The following ERH variants were observed in gnomAD, a reference collection of about 807,000 sequenced individuals.
ERH encodes ERH mRNA splicing and mitosis factor, also known as enhancer of rudimentary homolog.
A neutral mutation model predicts 16.8 loss-of-function variants in ERH; 1 was observed. The ratio of observed to expected loss-of-function variants is 0.06; its 90% CI spans 0.02 to 0.28. ERH has a LOEUF of 0.28. Among genes scored for constraint, ERH ranks in the 10% least tolerant of loss-of-function variants. The probability of loss-of-function intolerance (pLI) is 1.00; values close to 1 mark genes in which losing one functional copy is unlikely to be tolerated. For synonymous variants in ERH, 43 were observed against 43.6 expected (o/e 0.99, Z 0.05); for missense variants, 42 against 127.5 (o/e 0.33, Z 3.23).
Position 69,388,923 on chromosome 14 carries a change from T to C in ERH, c.92-1840A>G, listed in dbSNP as rs189983675. 2.0e-3 allele frequency among the ~76,000 whole-genome samples: 307 copies of C among 152,300 alleles called. 1 individual carries two copies. The highest frequency in any genetic ancestry group is 7.0e-3 in the African/African-American group (293 of 41,582). On this transcript the variant is annotated intron_variant, in intron 2 of 3. Coordinates refer to ENST00000557016, the MANE Select transcript of ERH (RefSeq NM_004450.3). Reference sequence around the variant, plus strand: ...TTTTTATTGCTACTGGCATACTACATTGTGATCACAGAATATCACCCATGA... The same window carrying C: ...TTTTTATTGCTACTGGCATACTACACTGTGATCACAGAATATCACCCATGA...
In ERH at chr14:69,394,849, C is replaced by T. The variant is rs1882298201; in HGVS notation, c.67G>A (p.Glu23Lys). The change falls in exon 2 of 4, where the codon GAA becomes AAA. Residue 23 changes from glutamate (E) to lysine (K), a missense_variant. Physicochemically the swap from Glu to Lys is moderately conservative, Grantham distance 56. Transcript: ENST00000557016. ...CCTTCCATGCATTCATTCACAGATT[C>T]GTAGTCAGCATAAGTTCTGCCTTCT... ...RPEGRTYADY[E>K]SVNECMEGVC... The T allele has an allele frequency of 6.2e-7, 1 of 1,613,464 alleles. No homozygotes were observed. Among genetic ancestry groups the T allele is most frequent in the Non-Finnish European group, 8.5e-7 (1 of 1,179,518 alleles).
At chr14:69,393,137 C>A (rs916562017) in intron 2 of ERH, among the ~76,000 whole-genome samples, 2 of 152,024 alleles carry the variant, frequency 1.3e-5, no homozygotes, top group African/African-American at 4.8e-5. Flanking sequence ...GCCAACGTGG[C>A]GAAACCCTGT....
chr14:69,380,728 C>T (rs945649845), intron 3 of ERH, 88 bp from the exon 4 acceptor site: 10 of 711,152 alleles, frequency 1.4e-5, no homozygotes, highest in African/African-American at 1.1e-4. Flanking sequence ...CCAATGATGG[C>T]ATAGATGTGC....
At chr14:69,395,624 C>T (rs1042877211) in intron 1 of ERH, among the ~76,000 whole-genome samples, 1 of 152,204 alleles carries the variant, frequency 6.6e-6, no homozygotes, top group African/African-American at 2.4e-5. Flanking sequence ...TAATCACAAG[C>T]ATGGTTTCAA....
intron 2 of ERH, among the ~76,000 whole-genome samples, 192 bp from the exon 3 acceptor site, chr14:69,387,275 G>A (rs2045898086): frequency 1.3e-5 from 2 of 152,178 alleles, no homozygotes; most frequent in Admixed American, 1.3e-4. Context: ...AAATTCACCA[G>A]GTCAGGTGTA....
chr14:69,391,490 C>CA (rs2045923630), intron 2 of ERH, among the ~76,000 whole-genome samples: 1 of 150,844 alleles, frequency 6.6e-6, no homozygotes, highest in South Asian at 2.1e-4. Flanking sequence ...ACTAAAAATA[C>CA]AAAAAAAGGT....
chr14:69,398,114 G>A, intron 1 of ERH, 117 bp downstream of exon 1: 2 of 1,195,596 alleles, frequency 1.7e-6, no homozygotes, highest in South Asian at 1.5e-5. Context: ...CGACTAGAGT[G>A]GCGGGGAGCA....
At chr14:69,389,607 G>A (rs1459394910) in intron 2 of ERH, among the ~76,000 whole-genome samples, 1 of 151,894 alleles carries the variant, frequency 6.6e-6, no homozygotes, top group Non-Finnish European at 1.5e-5. Flanking sequence ...ATATAGGATT[G>A]GTATATGAAA....
chr14:69,391,967 T>A (rs1391824632), intron 2 of ERH, among the ~76,000 whole-genome samples: 1 of 152,170 alleles, frequency 6.6e-6, no homozygotes, highest in East Asian at 1.9e-4. Context: ...TTAATAATAA[T>A]CTATGAATAT....
chr14:69,386,716 G>A, intron 3 of ERH: 1 of 326,522 alleles, frequency 3.1e-6, no homozygotes, highest in Non-Finnish European at 5.5e-6. Context: ...AGAGGCACAT[G>A]GAACTTCTGA....
At chr14:69,391,651 C>A (rs1193634909) in intron 2 of ERH, among the ~76,000 whole-genome samples, 1 of 88,462 alleles carries the variant, frequency 1.1e-5, no homozygotes, top group Non-Finnish European at 2.0e-5. Flanking sequence ...CTGTCTCGCA[C>A]GCCAAAAAAA....
chr14:69,383,557 T>A (rs1281537630), intron 3 of ERH, among the ~76,000 whole-genome samples: 1 of 152,196 alleles, frequency 6.6e-6, no homozygotes, highest in Non-Finnish European at 1.5e-5. Context: ...GGGAAAATAG[T>A]TTTAAATCCT....
chr14:69,397,449 C>CA (rs1882372595), intron 1 of ERH, among the ~76,000 whole-genome samples: 1 of 113,988 alleles, frequency 8.8e-6, no homozygotes, highest in Non-Finnish European at 2.0e-5. Context: ...GTCTCAAAAA[C>CA]AGGAAAAAAA....
intron 1 of ERH, chr14:69,397,933 C>A (rs1408618765): frequency 5.3e-6 from 3 of 564,990 alleles, no homozygotes; most frequent in East Asian, 3.0e-5. Context: ...AAACAAAACA[C>A]CTCCCCCACG....
intron 2 of ERH, among the ~76,000 whole-genome samples, chr14:69,391,177 A>T (rs1038061915): frequency 6.6e-6 from 1 of 152,216 alleles, no homozygotes; most frequent in Non-Finnish European, 1.5e-5. Flanking sequence ...GCCTACACAG[A>T]AATGTTTATA....
intron 1 of ERH, among the ~76,000 whole-genome samples, chr14:69,397,075 C>T (rs1447461222): frequency 6.6e-6 from 1 of 152,160 alleles, no homozygotes; most frequent in African/African-American, 2.4e-5. Context: ...CAGCATGTTG[C>T]TTTTTATATC....
intron 2 of ERH, among the ~76,000 whole-genome samples, chr14:69,392,269 T>G (rs2140233295): frequency 6.6e-6 from 1 of 151,508 alleles, no homozygotes; most frequent in Middle Eastern, 3.4e-3. Context: ...GAGAACTTAT[T>G]TAATAATTAT....
At chr14:69,382,711 C>T (rs1398098786) in intron 3 of ERH, among the ~76,000 whole-genome samples, 1 of 150,324 alleles carries the variant, frequency 6.7e-6, no homozygotes, top group African/African-American at 2.5e-5. Flanking sequence ...TGGTGGCGCG[C>T]ACCTGTAGTC....
intron 3 of ERH, among the ~76,000 whole-genome samples, chr14:69,381,740 G>A: frequency 6.6e-6 from 1 of 152,120 alleles, no homozygotes; most frequent in East Asian, 1.9e-4. Context: ...TCAGTCTGGA[G>A]TGCAGTGGTG....
Sources: allele counts gnomAD v4.1 joint callset (sites outside exome capture counted in the v4.1 genomes callset), GRCh38; gene constraint gnomAD v4.1.1; transcripts MANE v1.5; gene names NCBI Gene and HGNC (gene_info 2026-07-23, HGNC 2026-07-21).